Variants in ESR1 observed in about 807,000 individuals in gnomAD.
The protein encoded by ESR1 is estrogen receptor 1, also known as estrogen receptor.
In ESR1, 12 loss-of-function variants were observed where a neutral mutation model predicts 52.7. The ratio of observed to expected loss-of-function variants is 0.23; its 90% confidence interval spans 0.15 to 0.37. ESR1 has a LOEUF of 0.37. Ranked by LOEUF, ESR1 falls within the 10% of genes least tolerant of loss-of-function variation. The pLI is 1.00. For synonymous variants in ESR1, 305 were observed against 316.8 expected (o/e 0.96, Z 0.39); for missense variants, 584 against 779.7 (o/e 0.75, Z 2.99).
At chr6:151,706,207 T>A (rs2127991914) in intron 2 of ESR1, among the ~76,000 whole-genome samples, 1 of 152,360 alleles carries the variant, frequency 6.6e-6, no homozygotes, top group South Asian at 2.1e-4. Context: ...CTTTGGCGCC[T>A]ATTTCAATAA....
chr6:151,857,877 A>G (rs747842125), intron 2 of ESR1, among the ~76,000 whole-genome samples: 1 of 152,192 alleles, frequency 6.6e-6, no homozygotes, highest in East Asian at 1.9e-4. Flanking sequence ...ATTAACAGTG[A>G]CTATCTCTGA....
intron 2 of ESR1, among the ~76,000 whole-genome samples, chr6:151,852,538 A>T (rs767855895): frequency 6.6e-6 from 1 of 152,202 alleles, no homozygotes; most frequent in Non-Finnish European, 1.5e-5. Flanking sequence ...CTTACAATTC[A>T]GAAAGAACAT....
intron 6 of ESR1, among the ~76,000 whole-genome samples, chr6:152,121,112 T>G (rs1284427840): frequency 1.3e-5 from 2 of 152,260 alleles, no homozygotes; most frequent in East Asian, 3.9e-4. Flanking sequence ...AGACCTGAGT[T>G]TTATGTGCCC....
In ESR1 at chr6:151,838,376, A is replaced by G. The variant is rs527476492; in HGVS notation, c.453-4221A>G. ...GAGGTGGGGACCTGTACCTAGGCCC[A>G]TCTGCTGGGACTGATCTAGCCATAG... On this transcript the variant is annotated intron_variant, in intron 1 of 7. Coordinates refer to ENST00000206249, the MANE Select transcript of ESR1 (RefSeq NM_000125.4). Among the ~76,000 whole-genome samples, 5 of 152,340 alleles carry G rather than the reference A, an allele frequency of 3.3e-5. No individual in the cohort carries two copies. In the South Asian group the frequency reaches 6.2e-4, roughly 19 times the overall value.
At chr6:152,015,634 A>G (rs781049615) in intron 5 of ESR1, among the ~76,000 whole-genome samples, 1 of 152,158 alleles carries the variant, frequency 6.6e-6, no homozygotes, top group East Asian at 1.9e-4. Context: ...AAGAATCTAC[A>G]TCTTCTGATA....
At chr6:151,896,719 C>G (rs963566982) in intron 3 of ESR1, among the ~76,000 whole-genome samples, 2 of 151,362 alleles carry the variant, frequency 1.3e-5, no homozygotes, top group Non-Finnish European at 2.9e-5. Flanking sequence ...CTTTCTTCTG[C>G]TGGCTTTGGG....
In ESR1 at chr6:151,892,744, G is replaced by A. The variant is rs138662195; in HGVS notation, c.760+11973G>A. Among the ~76,000 whole-genome samples, 55 of 152,216 alleles carry A rather than the reference G, an allele frequency of 3.6e-4. No homozygotes were observed. The East Asian group carries it at 7.5e-3, about 21-fold the overall frequency. On this transcript the variant is annotated intron_variant, in intron 3 of 7. Coordinates refer to ENST00000206249, the MANE Select transcript of ESR1 (RefSeq NM_000125.4). ...TTTGGAAAGTTCCTGATTAAATATC[G>A]CATAGGCTAGTCTGGTTATGTCTGC...
rs1380573291 is a variant in ESR1 at position 151,808,236 on chromosome 6, G to A, written c.324G>A (p.Leu108=). The A allele has an allele frequency of 3.2e-6, 5 of 1,573,784 alleles. No individual in the cohort carries two copies. The highest frequency in any genetic ancestry group is 4.3e-6 in the Non-Finnish European group (5 of 1,159,894). The change falls in exon 1 of 8, where the codon CTG becomes CTA. Residue 108 remains leucine (L), a synonymous_variant. Coordinates refer to ENST00000206249, the MANE Select transcript of ESR1 (RefSeq NM_000125.4). ...PPLNSVSPSP[L]MLLHPPPQLS... ...TCAACAGCGTGTCTCCGAGCCCGCT[G>A]ATGCTACTGCACCCGCCGCCGCAGC...
At chr6:151,761,957 A>C (rs1784689971) in intron 2 of ESR1, among the ~76,000 whole-genome samples, 2 of 152,218 alleles carry the variant, frequency 1.3e-5, no homozygotes, top group South Asian at 2.1e-4. Context: ...ATCTGGAGAC[A>C]CACCTTGAAA....
intron 4 of ESR1, among the ~76,000 whole-genome samples, chr6:151,973,447 GTC>G (rs1455899934): frequency 6.6e-6 from 1 of 152,174 alleles, no homozygotes; most frequent in Non-Finnish European, 1.5e-5. Flanking sequence ...TTACTGCAGA[GTC>G]TGCAGAGGTG....
Position 152,120,390 on chromosome 6 carries a change from G to A in ESR1, c.851-4876G>A, listed in dbSNP as rs185955012. The stretch of plus-strand genomic sequence containing the variant: ...CGCTGCTCACAGCCTCTCCAGAAGC[G>A]GGAAGATGGGACACTTTAACCACGA... On this transcript the variant is annotated intron_variant, in intron 6 of 6. Coordinates refer to the ESR1 transcript ENST00000427531. Among the ~76,000 whole-genome samples, 36 of 152,262 alleles carry A rather than the reference G, an allele frequency of 2.4e-4. 1 individual carries two copies. Among genetic ancestry groups the A allele is most frequent in the African/African-American group, 7.9e-4 (33 of 41,556 alleles).
intron 4 of ESR1, among the ~76,000 whole-genome samples, chr6:151,973,130 A>T (rs2039083242): frequency 1.3e-5 from 2 of 152,328 alleles, no homozygotes; most frequent in Middle Eastern, 6.8e-3. Flanking sequence ...CAGGAGCAAT[A>T]CTTTGCATCC....
exon 7 of ESR1, chr6:152,127,978 A>C (rs780161266): frequency 6.6e-6 from 1 of 152,180 alleles, no homozygotes; most frequent in Non-Finnish European, 1.5e-5. Flanking sequence ...CCAGAGACCT[A>C]AGGTGCCCAA....
chr6:151,833,232 A>G (rs966310913), intron 1 of ESR1, among the ~76,000 whole-genome samples: 3 of 152,120 alleles, frequency 2.0e-5, no homozygotes, highest in Admixed American at 6.6e-5. Context: ...CCAGGTTACA[A>G]TGCGCTGAGG....
chr6:151,896,852 T>C (rs1795602417), intron 3 of ESR1, among the ~76,000 whole-genome samples: 2 of 152,204 alleles, frequency 1.3e-5, no homozygotes, highest in African/African-American at 2.4e-5. Flanking sequence ...TTGCTTTTGC[T>C]GTATCCCAGA....
intron 2 of ESR1, among the ~76,000 whole-genome samples, chr6:151,792,774 A>G (rs1776300254): frequency 6.6e-6 from 1 of 152,228 alleles, no homozygotes; most frequent in Non-Finnish European, 1.5e-5. Flanking sequence ...TGACTGTTTT[A>G]TAATAACACT....
At chr6:151,936,722 G>A (rs1043853103) in intron 3 of ESR1, among the ~76,000 whole-genome samples, 1 of 152,150 alleles carries the variant, frequency 6.6e-6, no homozygotes, top group African/African-American at 2.4e-5. Context: ...ATCAGTGCAG[G>A]ATGTTATTTT....
chr6:151,948,840 C>T (rs1360103755), intron 4 of ESR1, among the ~76,000 whole-genome samples: 2 of 152,202 alleles, frequency 1.3e-5, no homozygotes, highest in East Asian at 3.8e-4. Context: ...AAGGCCTCTT[C>T]TGTGTCTGTA....
intron 1 of ESR1, among the ~76,000 whole-genome samples, chr6:151,824,639 T>A (rs1781162388): frequency 6.6e-6 from 1 of 152,202 alleles, no homozygotes; most frequent in African/African-American, 2.4e-5. Flanking sequence ...ACTTAAAGTA[T>A]AAGGGAAAAT....
Sources: gnomAD v4.1 joint callset for allele counts (sites outside exome capture counted in the v4.1 genomes callset) on GRCh38, gnomAD v4.1.1 for gene constraint, MANE v1.5 for transcripts, NCBI Gene and HGNC (gene_info 2026-07-23, HGNC 2026-07-21) for gene names.